MAPDA: variants seen among roughly 807,000 people sequenced by gnomAD.
MAPDA encodes N6-Methyl-AMP deaminase, also known as N6,N6-dimethyl-AMP deaminase.
At chr15:43,349,284 C>G in the MAPDA span, 3 of 1,223,358 alleles carry the variant, frequency 2.5e-6, no homozygotes, top group Non-Finnish European at 3.1e-6. Flanking sequence ...TTCTCCAATG[C>G]TTGGAACTCA....
the MAPDA span, chr15:43,350,805 A>G: frequency 1.4e-6 from 1 of 709,452 alleles, no homozygotes; most frequent in South Asian, 1.9e-5. Context: ...ACACGTAAGG[A>G]AAGGTCGACT....
At chr15:43,351,863 A>G in the MAPDA span, 18 of 1,551,586 alleles carry the variant, frequency 1.2e-5, no homozygotes, top group African/African-American at 8.2e-5. Flanking sequence ...GAATCCATCA[A>G]CTACATCTTT....
the MAPDA span, among the ~76,000 whole-genome samples, chr15:43,346,468 C>T: frequency 6.6e-6 from 1 of 152,218 alleles, no homozygotes; most frequent in Non-Finnish European, 1.5e-5. Flanking sequence ...TTGGCCTCTA[C>T]CCACTAGATG....
the MAPDA span, among the ~76,000 whole-genome samples, chr15:43,347,424 A>G: frequency 2.7e-4 from 41 of 152,102 alleles, no homozygotes; most frequent in African/African-American, 9.4e-4. Flanking sequence ...AAAAGCACCA[A>G]TTTATCTCAC....
At chr15:43,331,527 A>G in the MAPDA span, among the ~76,000 whole-genome samples, 1 of 152,214 alleles carries the variant, frequency 6.6e-6, no homozygotes, top group African/African-American at 2.4e-5. Context: ...GTACTGCATA[A>G]TGGTTAAGAG....
At chr15:43,347,946 C>T in the MAPDA span, among the ~76,000 whole-genome samples, 1 of 152,218 alleles carries the variant, frequency 6.6e-6, no homozygotes, top group Non-Finnish European at 1.5e-5. Flanking sequence ...CTTTCATCCA[C>T]AGGACATCCT....
chr15:43,346,760 A>G, the MAPDA span, among the ~76,000 whole-genome samples: 3 of 152,232 alleles, frequency 2.0e-5, no homozygotes, highest in East Asian at 1.9e-4. Context: ...TTTGGTGACT[A>G]CTATATCCAG....
chr15:43,337,413 A>G, the MAPDA span, among the ~76,000 whole-genome samples: 5 of 152,186 alleles, frequency 3.3e-5, no homozygotes, highest in South Asian at 2.1e-4. Context: ...AAGAGCTTAG[A>G]GAGTAAGTGA....
At chr15:43,351,998 A>G in the MAPDA span, 1 of 1,503,244 alleles carries the variant, frequency 6.7e-7, no homozygotes, top group South Asian at 1.3e-5. Context: ...AGTTCCTGCC[A>G]TATCCCACTT....
chr15:43,347,245 A>G, the MAPDA span: 5 of 654,130 alleles, frequency 7.6e-6, no homozygotes, highest in East Asian at 8.5e-5. Flanking sequence ...TTAAAAATAC[A>G]TGACTTGCTT....
the MAPDA span, chr15:43,351,775 A>G: frequency 6.5e-7 from 1 of 1,549,716 alleles, no homozygotes; most frequent in Non-Finnish European, 8.7e-7. Context: ...TGTTTTTGCA[A>G]CACACCTTTC....
At chr15:43,333,467 G>T in the MAPDA span, 1 of 150,878 alleles carries the variant, frequency 6.6e-6, no homozygotes. Flanking sequence ...AATCATTTAT[G>T]TTTTTCGGTA....
the MAPDA span, among the ~76,000 whole-genome samples, chr15:43,345,490 G>A: frequency 6.6e-6 from 1 of 152,210 alleles, no homozygotes; most frequent in Non-Finnish European, 1.5e-5. Flanking sequence ...CAGGGTGGGA[G>A]GTGGGAGGAG....
At chr15:43,330,660 A>G in the MAPDA span, 1 of 717,850 alleles carries the variant, frequency 1.4e-6, no homozygotes, top group Admixed American at 3.7e-5. Flanking sequence ...GCCAACCAGA[A>G]TTGAGGAGGG....
the MAPDA span, chr15:43,335,951 A>AT: frequency 8.9e-7 from 1 of 1,127,684 alleles, no homozygotes; most frequent in South Asian, 1.7e-5. Flanking sequence ...TGTGGAGCAT[A>AT]TATCTTAACA....
the MAPDA span, among the ~76,000 whole-genome samples, chr15:43,343,710 G>A: frequency 6.6e-6 from 1 of 152,090 alleles, no homozygotes; most frequent in Non-Finnish European, 1.5e-5. Context: ...GGGTGTAAGT[G>A]TAGTGAAGCC....
chr15:43,339,717 T>C, the MAPDA span, among the ~76,000 whole-genome samples: 10 of 152,252 alleles, frequency 6.6e-5, no homozygotes, highest in Non-Finnish European at 1.3e-4. Context: ...TTTACTCATA[T>C]TTATCACCTA....
chr15:43,332,418 T>TA, the MAPDA span: 1 of 150,852 alleles, frequency 6.6e-6, no homozygotes, highest in East Asian at 1.9e-4. Flanking sequence ...CTTTGAAAAA[T>TA]ACGTAGCACC....
the MAPDA span, among the ~76,000 whole-genome samples, chr15:43,338,218 C>G: frequency 6.6e-6 from 1 of 152,086 alleles, no homozygotes; most frequent in Non-Finnish European, 1.5e-5. Context: ...CTAGGTGGTT[C>G]AGAGGGTGAC....
Sources: gnomAD v4.1 joint callset for allele counts (sites outside exome capture counted in the v4.1 genomes callset) on GRCh38, gnomAD v4.1.1 for gene constraint, MANE v1.5 for transcripts, NCBI Gene and HGNC (gene_info 2026-07-23, HGNC 2026-07-21) for gene names.